Variants in NEB observed in about 807,000 individuals in gnomAD.
NEB encodes nemaline myopathy type 2.
In NEB, 512 loss-of-function variants were observed where a neutral mutation model predicts 952.2. The ratio of observed to expected loss-of-function variants is 0.54; its 90% confidence interval spans 0.50 to 0.58. NEB has a LOEUF of 0.58. Among genes scored for constraint, NEB ranks in the 20% least tolerant of loss-of-function variants. The pLI is 0.00. For missense variants in NEB, 8,428 were observed against 9,231.1 expected (o/e 0.91, Z 3.56); for synonymous variants, 2,900 against 3,149.8 (o/e 0.92, Z 2.66).
chr2:151,534,852 G>T (rs558594730), intron 142 of NEB, among the ~76,000 whole-genome samples: 1 of 152,264 alleles, frequency 6.6e-6, no homozygotes, highest in African/African-American at 2.4e-5. Context: ...CTTCAGGGTT[G>T]TCCAGTCTGG....
chr2:151,543,016 C>T (rs187530287), intron 135 of NEB, among the ~76,000 whole-genome samples: 1 of 152,132 alleles, frequency 6.6e-6, no homozygotes, highest in Non-Finnish European at 1.5e-5. Flanking sequence ...GAATGTTCTT[C>T]TCCCTTTTAT....
chr2:151,625,881 C>T (rs2098512344), intron 70 of NEB, among the ~76,000 whole-genome samples: 1 of 152,074 alleles, frequency 6.6e-6, no homozygotes, highest in African/African-American at 2.4e-5. Context: ...CACATATACA[C>T]ACCCACGTGT....
rs990965756 is a variant in NEB, at chr2:151,691,871, C to T, written c.2204G>A (p.Cys735Tyr). 2 of 1,592,102 alleles carry T rather than the reference C, an allele frequency of 1.3e-6. No homozygotes were observed. Among genetic ancestry groups the T allele is most frequent in the Non-Finnish European group, 1.7e-6 (2 of 1,166,796 alleles). Residue 735 changes from cysteine (C) to tyrosine (Y), a missense_variant, in exon 23 of 182, where the codon TGT (cysteine) becomes TAT (tyrosine). Cys to Tyr is a radical substitution (Grantham distance 194). Around this residue, in one of 11 missense-constraint regions of NEB, gnomAD observed 2,851 missense variants for 2,791.5 expected, o/e 1.02. Transcript: ENST00000397345. ...TCAGGGCAGCTAACTTACATCTTTA[C>T]ACTGGTCCAGCTTCTTGATTGCTTC... Reference protein sequence around the residue: ...EYEAIKKLDQCKDHTYKVHPD... With the variant: ...EYEAIKKLDQYKDHTYKVHPD...
Position 151,548,377 on chromosome 2 carries a change from A to G in NEB, c.20088T>C (p.Tyr6696=), listed in dbSNP as rs2153624203. ...CATCTTTGGGGCCAAGTGTATACCC[A>G]TATGCCTTGGTGTGTTCATAGGCTT... is the stretch of plus-strand genomic sequence containing the variant. ...YKEAYEHTKA[Y]GYTLGPKDVP... Residue 6696 remains tyrosine, a synonymous_variant, in exon 131 of 182, where the codon TAT becomes TAC. Coordinates refer to ENST00000397345, the MANE Select transcript of NEB (RefSeq NM_001164508.2). 6.2e-7 allele frequency: 1 copy of G among 1,613,778 alleles called. No individual in the cohort carries two copies. The highest frequency in any genetic ancestry group is 1.1e-5 in the South Asian group (1 of 91,070).
intron 36 of NEB, among the ~76,000 whole-genome samples, chr2:151,673,611 T>G (rs2099326816): frequency 6.6e-6 from 1 of 152,134 alleles, no homozygotes; most frequent in African/African-American, 2.4e-5. Flanking sequence ...ATTTCCTATG[T>G]GGTCTGTATA....
In NEB at chr2:151,568,390, T is replaced by C. The variant is rs1423581312; in HGVS notation, c.17662A>G (p.Thr5888Ala). Reference sequence around the variant, plus strand: ...TCTGTGAGGGTGTACTTTGATTTGGTGGCATTCCAGTCTTTCCGGTATTTA... The same window carrying C: ...TCTGTGAGGGTGTACTTTGATTTGGCGGCATTCCAGTCTTTCCGGTATTTA... ...DIKYRKDWNA[T>A]KSKYTLTETP... Residue 5888 changes from threonine (T) to alanine (A), a missense_variant, in exon 112 of 182, where the codon ACC (threonine) becomes GCC (alanine). Thr to Ala is a moderately conservative substitution (Grantham distance 58, BLOSUM62 0). This residue lies in a region of NEB where 3,374 missense variants were observed against 3,651.5 expected (regional missense o/e 0.92). Coordinates refer to ENST00000397345, the MANE Select transcript of NEB (RefSeq NM_001164508.2). 4 of 1,610,386 alleles carry C rather than the reference T, an allele frequency of 2.5e-6. No individual in the cohort carries two copies. Among genetic ancestry groups the C allele is most frequent in the East Asian group, 2.2e-5 (1 of 44,710 alleles).
chr2:151,511,784 G>A (rs781714594), intron 161 of NEB, among the ~76,000 whole-genome samples: 1 of 152,116 alleles, frequency 6.6e-6, no homozygotes. Context: ...CATCATGAGG[G>A]GAGTCAGGGG....
At position 151,625,517 on chromosome 2, in the gene NEB, AAAAC is replaced by A. The variant is rs1560593592; in HGVS notation, c.10452+13_10452+16del. Reference sequence around the variant, plus strand: ...ATCAATGTGGCCAGACCAAAGAAATAAAACAAATGATCTTACCTCACTATAATTT... The same window carrying A: ...ATCAATGTGGCCAGACCAAAGAAATAAAATGATCTTACCTCACTATAATTT... On this transcript the variant is annotated intron_variant, in intron 71 of 181. Transcript: ENST00000397345. 1.3e-6 allele frequency: 2 copies of A among 1,543,482 alleles called. No individual in the cohort carries two copies. Among genetic ancestry groups the A allele is most frequent in the Non-Finnish European group, 1.8e-6 (2 of 1,126,006 alleles).
At chr2:151,641,384 T>G (rs1325899707) in intron 60 of NEB, among the ~76,000 whole-genome samples, 1 of 152,206 alleles carries the variant, frequency 6.6e-6, no homozygotes, top group Non-Finnish European at 1.5e-5. Context: ...CAGGTTGGAG[T>G]GCAGTGGTAC....
intron 161 of NEB, among the ~76,000 whole-genome samples, chr2:151,512,019 C>CTTTT (rs71403173): frequency 1.6e-4 from 15 of 93,582 alleles, no homozygotes; most frequent in African/African-American, 3.4e-4. Context: ...CCCTCTCACT[C>CTTTT]TTTTTTTTTT....
At chr2:151,626,112 T>C (rs2098518498) in intron 70 of NEB, among the ~76,000 whole-genome samples, 1 of 151,740 alleles carries the variant, frequency 6.6e-6, no homozygotes, top group South Asian at 2.1e-4. Context: ...ATTTGCATCT[T>C]TCTTTTTTTT....
chr2:151,547,804 C>T, intron 131 of NEB, 66 bp from the exon 132 acceptor site: 1 of 1,052,048 alleles, frequency 9.5e-7, no homozygotes, highest in Non-Finnish European at 1.4e-6. Context: ...ACTGACTAAT[C>T]AAGAATAAAA....
At chr2:151,699,942 C>T (rs1284285125) in intron 13 of NEB, among the ~76,000 whole-genome samples, 1 of 149,282 alleles carries the variant, frequency 6.7e-6, no homozygotes, top group Non-Finnish European at 1.5e-5. Flanking sequence ...CTTGCCCATG[C>T]CTATGTCCTG....
chr2:151,490,369 T>TA lies in NEB; in HGVS notation c.25297+2dup, dbSNP rs1485588983. On this transcript the variant is annotated splice_region_variant and intron_variant, in intron 180 of 181. Transcript: ENST00000397345. ...TGCCAAAATCAGCGCCAGGCACTTG[T>TA]ACCTGTTGAGACTGCAAAGACACCC... 6.3e-7 allele frequency: 1 copy of TA among 1,587,346 alleles called. No homozygotes were observed. The highest frequency in any genetic ancestry group is 1.3e-5 in the African/African-American group (1 of 74,370).
intron 13 of NEB, among the ~76,000 whole-genome samples, 194 bp from the exon 14 acceptor site, chr2:151,697,842 G>A (rs901144122): frequency 1.2e-4 from 19 of 152,266 alleles, no homozygotes; most frequent in Middle Eastern, 3.4e-3. Flanking sequence ...CGAGGCGGGC[G>A]GATCACGAGG....
At chr2:151,618,581 T>C (rs2098282414) in intron 73 of NEB, 103 bp from the exon 74 acceptor site, 5 of 1,127,602 alleles carry the variant, frequency 4.4e-6, no homozygotes, top group Non-Finnish European at 5.1e-6. Flanking sequence ...GATGAATAGT[T>C]AAGGTTCCTA....
At position 151,618,875 on chromosome 2, in the gene NEB, A is replaced by G. The variant is rs369721821; in HGVS notation, c.10873-397T>C. On this transcript the variant is annotated intron_variant, in intron 73 of 181. Coordinates refer to ENST00000397345, the MANE Select transcript of NEB (RefSeq NM_001164508.2). ...TTCTCACTTTTATTTCCATCTTCAA[A>G]AATCACAAAACTTCAAGTGTATAAA... Among the ~76,000 whole-genome samples, 453 of 152,334 alleles carry G rather than the reference A, an allele frequency of 3.0e-3. 2 individuals carry two copies. The highest frequency in any genetic ancestry group is 0.011 in the African/African-American group (438 of 41,576).
chr2:151,706,052 C>T (rs974713420), intron 13 of NEB, among the ~76,000 whole-genome samples: 6 of 152,180 alleles, frequency 3.9e-5, no homozygotes, highest in Non-Finnish European at 7.3e-5. Flanking sequence ...ACCACCTGTA[C>T]CCCAACAATG....
At chr2:151,503,727 A>G (rs576098387) in intron 165 of NEB, among the ~76,000 whole-genome samples, 1 of 152,350 alleles carries the variant, frequency 6.6e-6, no homozygotes, top group African/African-American at 2.4e-5. Flanking sequence ...AGAAAAATCT[A>G]ACCATTTTGT....
Sources: gnomAD v4.1 joint callset for allele counts (sites outside exome capture counted in the v4.1 genomes callset) on GRCh38, gnomAD v4.1.1 for gene constraint, gnomAD v4.1.1 regional missense constraint, MANE v1.5 for transcripts, NCBI Gene and HGNC (gene_info 2026-07-23, HGNC 2026-07-21) for gene names.